Variants in SLC39A11 observed in about 807,000 individuals in gnomAD.
SLC39A11 encodes zinc transporter ZIP11.
A neutral mutation model predicts 36.1 loss-of-function variants in SLC39A11; 33 were observed. That is an observed-to-expected ratio of 0.91 (90% CI 0.69 to 1.22). SLC39A11 has a LOEUF of 1.22. SLC39A11 is among the 50% of genes most tolerant of loss of function. The pLI is 0.00. For missense variants in SLC39A11, 432 were observed against 430.3 expected, an observed-to-expected ratio of 1.00 and a Z score of -0.03; for synonymous variants, 166 against 170.3, an observed-to-expected ratio of 0.97 and a Z score of 0.20.
intron 4 of SLC39A11, among the ~76,000 whole-genome samples, chr17:72,974,428 T>C (rs1365887632): frequency 1.9e-5 from 1 of 51,294 alleles, no homozygotes. Context: ...CTTCATTTTG[T>C]ACCAAAAAAA....
intron 6 of SLC39A11, among the ~76,000 whole-genome samples, chr17:72,767,216 T>C (rs563257226): frequency 1.3e-5 from 2 of 152,374 alleles, no homozygotes; most frequent in African/African-American, 4.8e-5. Flanking sequence ...TTCATTACTG[T>C]TGGAACTGCA....
In SLC39A11 at chr17:73,060,502, T is replaced by C. The variant is rs118110064; in HGVS notation, c.147+24306A>G. Among the ~76,000 whole-genome samples, 25 of 152,302 alleles carry C rather than the reference T, an allele frequency of 1.6e-4. 1 individual carries two copies. In the East Asian group the frequency reaches 4.2e-3, roughly 26 times the overall value. ...ACTATTATTTCATAGTTACTTGTGATCCCATTTTGATGAAATGTTTTAAAC... is the reference window on the plus strand; with the variant it reads ...ACTATTATTTCATAGTTACTTGTGACCCCATTTTGATGAAATGTTTTAAAC... On this transcript the variant is annotated intron_variant, in intron 3 of 9. Coordinates refer to ENST00000255559, the MANE Select transcript of SLC39A11 (RefSeq NM_139177.4).
intron 6 of SLC39A11, among the ~76,000 whole-genome samples, chr17:72,769,601 G>A (rs1007557540): frequency 6.6e-6 from 1 of 151,722 alleles, no homozygotes; most frequent in Admixed American, 6.6e-5. Flanking sequence ...CCAGAGTGGA[G>A]TGGCCCGATC....
chr17:72,743,766 G>A (rs924144129), intron 6 of SLC39A11, among the ~76,000 whole-genome samples: 5 of 152,116 alleles, frequency 3.3e-5, no homozygotes, highest in Non-Finnish European at 4.4e-5. Context: ...AGGAAAGGAG[G>A]AAAAATGCTG....
intron 4 of SLC39A11, among the ~76,000 whole-genome samples, chr17:72,993,473 TC>T (rs1417653109): frequency 1.3e-4 from 20 of 152,216 alleles, no homozygotes; most frequent in Admixed American, 1.1e-3. Flanking sequence ...AGAACCACTG[TC>T]CTAAATATTG....
At chr17:72,691,277 G>A (rs1411497765) in intron 7 of SLC39A11, among the ~76,000 whole-genome samples, 4 of 152,168 alleles carry the variant, frequency 2.6e-5, no homozygotes, top group Admixed American at 6.5e-5. Flanking sequence ...ATTTCCTAGA[G>A]GTGACTTTGG....
At chr17:73,059,554 C>G in intron 3 of SLC39A11, among the ~76,000 whole-genome samples, 1 of 151,462 alleles carries the variant, frequency 6.6e-6, no homozygotes, top group Non-Finnish European at 1.5e-5. Context: ...CCTCAGGAGG[C>G]TGAGACAGGA....
chr17:73,029,048 G>T (rs1455819927), intron 4 of SLC39A11, among the ~76,000 whole-genome samples: 1 of 151,832 alleles, frequency 6.6e-6, no homozygotes, highest in African/African-American at 2.4e-5. Flanking sequence ...AACCCAGGAG[G>T]TGGAGGTTGC....
At chr17:72,757,098 G>A (rs1016984618) in intron 6 of SLC39A11, among the ~76,000 whole-genome samples, 24 of 151,750 alleles carry the variant, frequency 1.6e-4, no homozygotes, top group Non-Finnish European at 2.5e-4. Flanking sequence ...ACCAGAAGGC[G>A]GAGGTTGCAG....
chr17:72,943,494 A>C (rs1206533222), intron 5 of SLC39A11, among the ~76,000 whole-genome samples: 1 of 152,220 alleles, frequency 6.6e-6, no homozygotes, highest in African/African-American at 2.4e-5. Context: ...TTTTCCTATA[A>C]GAATAGGGCA....
chr17:72,870,141 C>T (rs1453771487), intron 5 of SLC39A11, among the ~76,000 whole-genome samples: 1 of 151,748 alleles, frequency 6.6e-6, no homozygotes, highest in Non-Finnish European at 1.5e-5. Context: ...CATTTTTAAT[C>T]AGTGCTTAAG....
intron 4 of SLC39A11, among the ~76,000 whole-genome samples, chr17:72,990,631 T>C (rs1426252120): frequency 6.6e-6 from 1 of 152,314 alleles, no homozygotes; most frequent in East Asian, 1.9e-4. Context: ...TTTCACCATG[T>C]TGGCCAGGCT....
intron 7 of SLC39A11, among the ~76,000 whole-genome samples, chr17:72,690,446 G>A (rs1462049942): frequency 6.6e-6 from 1 of 152,174 alleles, no homozygotes; most frequent in Admixed American, 6.5e-5. Context: ...TTAGCTTCTC[G>A]GGTACTTTTC....
intron 4 of SLC39A11, among the ~76,000 whole-genome samples, chr17:72,961,250 G>C (rs1306845049): frequency 2.0e-5 from 3 of 152,204 alleles, no homozygotes; most frequent in African/African-American, 7.2e-5. Flanking sequence ...AAAGATGCTG[G>C]AGAGGACGTG....
intron 7 of SLC39A11, among the ~76,000 whole-genome samples, chr17:72,656,768 G>C (rs566779558): frequency 5.1e-4 from 78 of 152,286 alleles, no homozygotes; most frequent in Non-Finnish European, 9.1e-4. Context: ...CGCGAGGAAG[G>C]GGGGTCCCAT....
At chr17:73,057,449 G>T (rs1307206697) in intron 3 of SLC39A11, among the ~76,000 whole-genome samples, 1 of 152,084 alleles carries the variant, frequency 6.6e-6, no homozygotes, top group Non-Finnish European at 1.5e-5. Flanking sequence ...ATCCTCCTCT[G>T]CCTAGTCTGA....
At chr17:73,080,597 C>T (rs2060477033) in intron 3 of SLC39A11, among the ~76,000 whole-genome samples, 2 of 152,134 alleles carry the variant, frequency 1.3e-5, no homozygotes, top group Admixed American at 6.6e-5. Flanking sequence ...TGACCAAGAA[C>T]CCAAAAGCAA....
At chr17:72,829,880 T>C (rs2078203093) in intron 6 of SLC39A11, among the ~76,000 whole-genome samples, 1 of 151,888 alleles carries the variant, frequency 6.6e-6, no homozygotes, top group South Asian at 2.1e-4. Context: ...TCAGCTGAAA[T>C]GCCCCCGGAC....
intron 3 of SLC39A11, among the ~76,000 whole-genome samples, chr17:73,076,552 T>C (rs1248066860): frequency 6.6e-6 from 1 of 152,224 alleles, no homozygotes; most frequent in Non-Finnish European, 1.5e-5. Flanking sequence ...TAGACATCTG[T>C]GCAAGGTACA....
Sources: allele counts gnomAD v4.1 joint callset (sites outside exome capture counted in the v4.1 genomes callset), GRCh38; gene constraint gnomAD v4.1.1; transcripts MANE v1.5; gene names NCBI Gene and HGNC (gene_info 2026-07-23, HGNC 2026-07-21).